The following FGF13 variants were observed in gnomAD, a reference collection of about 807,000 sequenced individuals.
FGF13 encodes the protein fibroblast growth factor 13, also known as fibroblast growth factor homologous factor 2.
Under a neutral mutation model 19.5 loss-of-function variants are expected in FGF13, and 2 were observed. The observed-to-expected ratio is 0.10, with a 90% confidence interval of 0.04 to 0.32. The LOEUF is 0.32. Among genes scored for constraint, FGF13 ranks in the 10% least tolerant of loss-of-function variants. FGF13 has a pLI of 1.00. For synonymous variants in FGF13, 72 were observed against 76.9 expected (o/e 0.94, Z 0.33); for missense variants, 113 against 192.7 (o/e 0.59, Z 2.45).
Position 139,146,540 on chromosome X carries a change from C to T in FGF13, c.-113+56876G>A, listed in dbSNP as rs1372618101. Among the ~76,000 whole-genome samples, 21 of 112,083 alleles carry T rather than the reference C, an allele frequency of 1.9e-4. 1 individual carries two copies. The highest frequency in any genetic ancestry group is 3.8e-5 in the Non-Finnish European group (2 of 53,266). ...GTTGGTGGGACTGTAAACTAGTTAA[C>T]CATTGTGGAAGACAGTGTGGCAATT... On this transcript the variant is annotated intron_variant, in intron 1 of 2. Transcript: ENST00000421460.
At chrX:138,739,290 T>C in exon 1 of FGF13, 1 of 1,198,450 alleles carries the variant, frequency 8.3e-7, no homozygotes, top group Non-Finnish European at 1.1e-6. Flanking sequence ...AAGCTGGTCC[T>C]ACCCAGACAA....
intron 1 of FGF13, among the ~76,000 whole-genome samples, chrX:139,043,621 C>T (rs928626906): frequency 6.3e-5 from 7 of 111,065 alleles, no homozygotes; most frequent in Non-Finnish European, 1.3e-4. Flanking sequence ...TAGGTATCTA[C>T]CCAAAATAAT....
rs7891427 is a variant in FGF13, at chrX:139,001,225, T to C, written c.-112-136575A>G. On this transcript the variant is annotated intron_variant, in intron 1 of 2. Coordinates refer to the FGF13 transcript ENST00000421460. ...ACTTAACTGTAAGACCTAAAAACCA[T>C]AAAAACCCTAGAAGAAAACCTAGGC... 5.6e-3 allele frequency among the ~76,000 whole-genome samples: 629 copies of C among 111,569 alleles called. 5 individuals are homozygous for C. The highest frequency in any genetic ancestry group is 0.019 in the African/African-American group (595 of 30,625).
rs755710844 is a variant in FGF13, at chrX:139,099,391, A to G, written c.-113+104025T>C. ...GGTTTCTATCTCAAAAAAAAAAAAA[A>G]AAAAAAAGAAAGAAAAGGAAAGAAA... is the stretch of plus-strand genomic sequence containing the variant. On this transcript the variant is annotated intron_variant, in intron 1 of 2. Coordinates refer to the FGF13 transcript ENST00000421460. 4.6e-5 allele frequency among the ~76,000 whole-genome samples: 5 copies of G among 108,520 alleles called. No homozygotes were observed. The South Asian group carries it at 2.0e-3, about 44-fold the overall frequency. The allele number at this position is 108,520 out of a possible 115,157, so 94.2% of individuals were successfully genotyped here.
At chrX:138,656,784 A>G (rs1299757469) in intron 3 of FGF13, among the ~76,000 whole-genome samples, 2 of 112,038 alleles carry the variant, frequency 1.8e-5, no homozygotes, top group East Asian at 5.6e-4. Context: ...GGTAGGTACT[A>G]CTAAAGTGTG....
chrX:139,110,445 A>G (rs2083593255), intron 1 of FGF13, among the ~76,000 whole-genome samples: 2 of 109,824 alleles, frequency 1.8e-5, no homozygotes, highest in Admixed American at 9.8e-5. Context: ...GTGGTAGTGA[A>G]TAAGTCTCAC....
chrX:138,627,767 G>T lies in FGF13; in HGVS notation c.*5083C>A, dbSNP rs892668869. ...TCTAAAACTGAAAATCATCCACATTGTGTGTTCTAGAAAGACTTCCTGCAT... is the reference window on the plus strand; with the variant it reads ...TCTAAAACTGAAAATCATCCACATTTTGTGTTCTAGAAAGACTTCCTGCAT... On this transcript the variant is annotated 3_prime_UTR_variant, in exon 5 of 5. Transcript: ENST00000315930. The T allele has an allele frequency of 1.3e-4, 14 of 110,774 alleles. No individual in the cohort carries two copies. Among genetic ancestry groups the T allele is most frequent in the Admixed American group, 7.8e-4 (8 of 10,232 alleles). The allele number at this position is 110,774 out of a possible 1,213,427, so 9.1% of individuals were successfully genotyped here. A position where few individuals can be genotyped will look rare whatever the true frequency, so the allele number is the denominator to read the frequency against.
chrX:138,910,976 A>G (rs2091584567), intron 1 of FGF13, among the ~76,000 whole-genome samples: 1 of 109,574 alleles, frequency 9.1e-6, no homozygotes, highest in Non-Finnish European at 1.9e-5. Context: ...GTGTCCTACA[A>G]TTTGGTCCCA....
intron 3 of FGF13, among the ~76,000 whole-genome samples, chrX:138,662,121 A>C (rs1432664889): frequency 2.7e-5 from 3 of 112,003 alleles, no homozygotes; most frequent in Non-Finnish European, 5.7e-5. Flanking sequence ...GAGAAATATA[A>C]CAAAATCCAC....
chrX:139,148,875 G>A (rs1455901021), intron 1 of FGF13, among the ~76,000 whole-genome samples: 2 of 110,853 alleles, frequency 1.8e-5, no homozygotes, highest in Non-Finnish European at 3.8e-5. Flanking sequence ...AATAATGGGG[G>A]CAGGATGGGC....
chrX:138,643,125 T>G (rs1198366588), intron 3 of FGF13, among the ~76,000 whole-genome samples: 1 of 112,061 alleles, frequency 8.9e-6, no homozygotes, highest in Admixed American at 9.5e-5. Context: ...TTCAGGAACC[T>G]GTCAACCAAT....
At chrX:139,068,125 C>A (rs1290479943) in intron 1 of FGF13, among the ~76,000 whole-genome samples, 1 of 92,930 alleles carries the variant, frequency 1.1e-5, no homozygotes, top group Admixed American at 1.2e-4. Flanking sequence ...TTAGGTCTAA[C>A]GTTTAAGTCT....
At chrX:139,128,546 G>A (rs1392896145) in intron 1 of FGF13, among the ~76,000 whole-genome samples, 1 of 112,169 alleles carries the variant, frequency 8.9e-6, no homozygotes, top group Non-Finnish European at 1.9e-5. Context: ...GAGTCCAAAG[G>A]CTCTTTCTCC....
chrX:138,634,611 A>G (rs2124094300), intron 4 of FGF13, among the ~76,000 whole-genome samples: 1 of 113,013 alleles, frequency 8.8e-6, no homozygotes, highest in Non-Finnish European at 1.9e-5. Context: ...CATTTTCAAA[A>G]GTATTATTAA....
intron 3 of FGF13, among the ~76,000 whole-genome samples, chrX:138,659,338 C>T (rs775991066): frequency 3.6e-4 from 40 of 111,554 alleles, no homozygotes; most frequent in Non-Finnish European, 1.9e-5. Context: ...ACATTAGGTG[C>T]AAATCAAAAC....
chrX:138,848,992 G>A (rs1171814503), intron 3 of FGF13, among the ~76,000 whole-genome samples: 2 of 111,800 alleles, frequency 1.8e-5, no homozygotes, highest in Admixed American at 1.9e-4. Context: ...AAGAACTTGA[G>A]ACACATGAAG....
intron 1 of FGF13, among the ~76,000 whole-genome samples, chrX:139,101,473 C>T (rs927031939): frequency 6.2e-5 from 7 of 112,218 alleles, no homozygotes; most frequent in African/African-American, 1.9e-4. Context: ...TATATTTTTA[C>T]GTGTGAAACA....
chrX:139,010,217 A>C (rs1603122749), intron 1 of FGF13, among the ~76,000 whole-genome samples: 1 of 111,722 alleles, frequency 9.0e-6, no homozygotes, highest in Non-Finnish European at 1.9e-5. Context: ...TGACTTCAGT[A>C]ATCCACTGAG....
At chrX:139,088,540 G>GAAAA (rs142651925) in intron 1 of FGF13, among the ~76,000 whole-genome samples, 1 of 65,590 alleles carries the variant, frequency 1.5e-5, no homozygotes, top group Admixed American at 1.7e-4. Context: ...TTACTTGCAA[G>GAAAA]AAAAAAAAAA....
Sources: allele counts gnomAD v4.1 joint callset (sites outside exome capture counted in the v4.1 genomes callset), GRCh38; gene constraint gnomAD v4.1.1; transcripts MANE v1.5; gene names NCBI Gene and HGNC (gene_info 2026-07-23, HGNC 2026-07-21).